IL1RAPL2: variants seen among roughly 807,000 people sequenced by gnomAD.
IL1RAPL2 encodes interleukin 1 receptor accessory protein like 2, also known as X-linked interleukin-1 receptor accessory protein-like 2.
A neutral mutation model predicts 44.1 loss-of-function variants in IL1RAPL2; 3 were observed. The ratio of observed to expected loss-of-function variants is 0.07; its 90% CI spans 0.03 to 0.18. The LOEUF (loss-of-function observed/expected upper bound fraction) is 0.18. Among genes scored for constraint, IL1RAPL2 ranks in the 10% least tolerant of loss-of-function variants. The probability of loss-of-function intolerance (pLI) is 1.00; values close to 1 mark genes in which losing one functional copy is unlikely to be tolerated. For synonymous variants in IL1RAPL2, 181 were observed against 178.8 expected (o/e 1.01, Z -0.10); for missense variants, 391 against 496.4 (o/e 0.79, Z 2.02).
chrX:104,690,034 G>A (rs769577820), intron 2 of IL1RAPL2, among the ~76,000 whole-genome samples: 7 of 111,776 alleles, frequency 6.3e-5, no homozygotes, highest in Non-Finnish European at 1.3e-4. Context: ...CAACTCTGGA[G>A]AATAAATTTG....
chrX:105,529,473 A>G (rs2036617355), intron 6 of IL1RAPL2, among the ~76,000 whole-genome samples: 2 of 111,043 alleles, frequency 1.8e-5, no homozygotes, highest in South Asian at 7.5e-4. Context: ...TGGTATTCTT[A>G]TATGAAAAGG....
intron 2 of IL1RAPL2, among the ~76,000 whole-genome samples, chrX:105,189,450 C>T (rs1417272995): frequency 1.8e-5 from 2 of 111,946 alleles, no homozygotes; most frequent in African/African-American, 6.5e-5. Context: ...AGACTCGTCT[C>T]GTACTCCTGG....
At chrX:104,768,036 A>G (rs1358969719) in intron 2 of IL1RAPL2, among the ~76,000 whole-genome samples, 11 of 112,183 alleles carry the variant, frequency 9.8e-5, no homozygotes, top group Admixed American at 2.8e-4. Context: ...AAACAATTTT[A>G]TATGTCAATT....
chrX:105,228,997 T>G (rs782720793), intron 3 of IL1RAPL2, among the ~76,000 whole-genome samples: 28 of 112,285 alleles, frequency 2.5e-4, no homozygotes, highest in Admixed American at 5.7e-4. Flanking sequence ...TGCTGCAGTA[T>G]CATTGCAAAG....
chrX:105,639,289 A>T lies in IL1RAPL2; in HGVS notation c.773-78078A>T, dbSNP rs210546. On this transcript the variant is annotated intron_variant, in intron 6 of 10. Coordinates refer to ENST00000372582, the MANE Select transcript of IL1RAPL2 (RefSeq NM_017416.2). ...TTATACCATTATTGTATAATTTTTA[A>T]TCCTTACCTAAGAGCCATCAGGAAC... Among the ~76,000 whole-genome samples, 914 of 111,445 alleles carry T rather than the reference A, an allele frequency of 8.2e-3. 10 individuals are homozygous for T. The highest frequency in any genetic ancestry group is 0.076 in the South Asian group (200 of 2,648).
intron 6 of IL1RAPL2, among the ~76,000 whole-genome samples, chrX:105,534,055 CA>C (rs1209815743): frequency 9.8e-5 from 11 of 111,839 alleles, no homozygotes; most frequent in Non-Finnish European, 1.5e-4. Context: ...TTTGTATTAT[CA>C]AAGATATACC....
At chrX:104,733,282 T>C (rs1045072576) in intron 2 of IL1RAPL2, among the ~76,000 whole-genome samples, 3 of 111,302 alleles carry the variant, frequency 2.7e-5, no homozygotes, top group African/African-American at 9.8e-5. Context: ...AATGATTGTC[T>C]TGATATAAAT....
At chrX:104,568,240 T>A (rs1291216788) in intron 1 of IL1RAPL2, among the ~76,000 whole-genome samples, 3 of 110,436 alleles carry the variant, frequency 2.7e-5, no homozygotes, top group Non-Finnish European at 3.8e-5. Context: ...AGCTGTAGAT[T>A]ATTAAACATG....
intron 2 of IL1RAPL2, among the ~76,000 whole-genome samples, chrX:104,838,820 C>CTTCTTTCT (rs1304618858): frequency 1.3e-5 from 1 of 76,569 alleles, no homozygotes; most frequent in Non-Finnish European, 2.6e-5. Flanking sequence ...CTTTTCTTTT[C>CTTCTTTCT]TTCTTTCTTT....
Position 105,267,409 on chromosome X carries a change from A to G in IL1RAPL2, c.565A>G (p.Arg189Gly). 1 of 1,198,072 alleles carries G rather than the reference A, an allele frequency of 8.3e-7. No homozygotes were observed. The highest frequency in any genetic ancestry group is 1.1e-6 in the Non-Finnish European group (1 of 891,140). ...WYKECKPKMW[R>G]SIIIQKGNAL... ...GCAGGAATGCAAGCCAAAAATGTGGAGAAGCATAATAATACAGAAAGGAAA... is the reference window on the plus strand; with the variant it reads ...GCAGGAATGCAAGCCAAAAATGTGGGGAAGCATAATAATACAGAAAGGAAA... Residue 189 changes from arginine (R) to glycine (G), a missense_variant, in exon 5 of 11, where the codon AGA becomes GGA. By Grantham distance (125) the Arg-to-Gly change is moderately radical (BLOSUM62 -2). This residue lies in a region of IL1RAPL2 where 159 missense variants were observed against 251.7 expected (regional missense o/e 0.63). Transcript: ENST00000372582.
chrX:105,283,373 G>A (rs2034546896), intron 5 of IL1RAPL2, among the ~76,000 whole-genome samples: 1 of 111,650 alleles, frequency 9.0e-6, no homozygotes, highest in Non-Finnish European at 1.9e-5. Flanking sequence ...GCTGGACCCT[G>A]ATGGTTAAGA....
chrX:104,585,352 T>TATAA (rs1928527094), intron 1 of IL1RAPL2, among the ~76,000 whole-genome samples: 7 of 13,633 alleles, frequency 5.1e-4, no homozygotes, highest in African/African-American at 2.9e-3. Flanking sequence ...ATTATATATA[T>TATAA]TATATATATT....
rs181918061 is a variant in IL1RAPL2, at chrX:104,579,730, A to G, written c.-20+12679A>G. Among the ~76,000 whole-genome samples the G allele has an allele frequency of 1.4e-4, 16 of 111,594 alleles. No individual in the cohort carries two copies. The East Asian group carries it at 4.5e-3, about 31-fold the overall frequency. ...TAGTTTACCTATATAACAAACATGC[A>G]CATGTATCCCTGAAGCTAAAATAAA... On this transcript the variant is annotated intron_variant, in intron 1 of 10. Transcript: ENST00000372582.
At position 105,029,303 on chromosome X, in the gene IL1RAPL2, A is replaced by G. The variant is rs1467045812; in HGVS notation, c.83-166172A>G. Among the ~76,000 whole-genome samples, 5 of 104,545 alleles carry G rather than the reference A, an allele frequency of 4.8e-5. No individual in the cohort carries two copies. The East Asian group carries it at 1.5e-3, about 32-fold the overall frequency. The allele number at this position is 104,545 out of a possible 115,157, so 90.8% of individuals were successfully genotyped here. ...TTTAGGGTACATGTGCACAATGTGCAGGTTTGTTACATATGTATACATGTG... is the reference window on the plus strand; with the variant it reads ...TTTAGGGTACATGTGCACAATGTGCGGGTTTGTTACATATGTATACATGTG... On this transcript the variant is annotated intron_variant, in intron 2 of 10. Transcript: ENST00000372582.
At chrX:105,585,418 T>C (rs1675816973) in intron 6 of IL1RAPL2, among the ~76,000 whole-genome samples, 1 of 110,284 alleles carries the variant, frequency 9.1e-6, no homozygotes, top group Non-Finnish European at 1.9e-5. Flanking sequence ...GTTTGTTACA[T>C]AGGTAAACGT....
At chrX:105,695,896 T>C (rs747759832) in intron 6 of IL1RAPL2, among the ~76,000 whole-genome samples, 13 of 112,223 alleles carry the variant, frequency 1.2e-4, no homozygotes, top group Non-Finnish European at 2.1e-4. Context: ...TCTTAGTCAA[T>C]TGCTCTTTCA....
intron 6 of IL1RAPL2, among the ~76,000 whole-genome samples, chrX:105,666,729 G>C (rs1369348228): frequency 9.0e-6 from 1 of 111,698 alleles, no homozygotes; most frequent in Non-Finnish European, 1.9e-5. Context: ...AAGAGCCGTG[G>C]CAAGATGAGG....
At chrX:105,039,752 G>T (rs1349349663) in intron 2 of IL1RAPL2, among the ~76,000 whole-genome samples, 1 of 111,831 alleles carries the variant, frequency 8.9e-6, no homozygotes, top group Non-Finnish European at 1.9e-5. Context: ...CTTTGCTGAA[G>T]TTGCTTATCA....
intron 6 of IL1RAPL2, among the ~76,000 whole-genome samples, chrX:105,532,680 C>A (rs1470828553): frequency 9.1e-6 from 1 of 110,435 alleles, no homozygotes; most frequent in Non-Finnish European, 1.9e-5. Context: ...CTTTCCTTAT[C>A]CCTTTCACCT....
Sources: gnomAD v4.1 joint callset for allele counts (sites outside exome capture counted in the v4.1 genomes callset) on GRCh38, gnomAD v4.1.1 for gene constraint, gnomAD v4.1.1 regional missense constraint, MANE v1.5 for transcripts, NCBI Gene and HGNC (gene_info 2026-07-23, HGNC 2026-07-21) for gene names.